NTRK3: variants seen among roughly 807,000 people sequenced by gnomAD.
NTRK3 encodes neurotrophic receptor tyrosine kinase 3.
In NTRK3, 24 loss-of-function variants were observed where a neutral mutation model predicts 91.7. That is an observed-to-expected ratio of 0.26 (90% CI 0.19 to 0.37). The LOEUF (loss-of-function observed/expected upper bound fraction) is 0.37. Among genes scored for constraint, NTRK3 ranks in the 10% least tolerant of loss-of-function variants. The pLI is 1.00. For synonymous variants in NTRK3, 483 were observed against 404.0 expected (o/e 1.20, Z -2.34); for missense variants, 880 against 1,068.9 (o/e 0.82, Z 2.46).
chr15:88,244,508 A>G (rs2052648870), intron 3 of NTRK3, among the ~76,000 whole-genome samples: 1 of 150,898 alleles, frequency 6.6e-6, no homozygotes, highest in South Asian at 2.1e-4. Flanking sequence ...TCTCAGTGCT[A>G]TGGGCTCTGG....
exon 19 of NTRK3, chr15:87,871,551 A>G (rs966403898): frequency 4.3e-6 from 1 of 230,440 alleles, no homozygotes; most frequent in Non-Finnish European, 8.6e-6. Context: ...GTGGTCATCT[A>G]TCAGGCAACC....
At chr15:87,979,782 T>C (rs1340206846) in intron 14 of NTRK3, among the ~76,000 whole-genome samples, 1 of 152,106 alleles carries the variant, frequency 6.6e-6, no homozygotes, top group Admixed American at 6.5e-5. Context: ...ATAAGCATCT[T>C]TCTGAAAGGA....
intron 13 of NTRK3, among the ~76,000 whole-genome samples, chr15:88,067,928 C>T (rs2046792595): frequency 6.6e-6 from 1 of 152,092 alleles, no homozygotes; most frequent in South Asian, 2.1e-4. Flanking sequence ...TTGTTATTAT[C>T]CTCATTATGT....
intron 14 of NTRK3, among the ~76,000 whole-genome samples, chr15:87,960,944 T>G (rs957685482): frequency 6.6e-6 from 1 of 152,206 alleles, no homozygotes; most frequent in African/African-American, 2.4e-5. Flanking sequence ...CTCTCACTTC[T>G]ACCACTTCAC....
chr15:88,011,619 G>A (rs1009175094), intron 14 of NTRK3, among the ~76,000 whole-genome samples: 12 of 152,116 alleles, frequency 7.9e-5, no homozygotes, highest in Admixed American at 1.3e-4. Flanking sequence ...AAAAGAAGCC[G>A]CAGCTGAAGA....
intron 3 of NTRK3, among the ~76,000 whole-genome samples, chr15:88,189,219 G>T (rs374127272): frequency 3.9e-5 from 6 of 152,022 alleles, no homozygotes; most frequent in African/African-American, 1.5e-4. Flanking sequence ...AGTCTCTTTG[G>T]CAATTCTAAA....
intron 5 of NTRK3, among the ~76,000 whole-genome samples, chr15:88,177,953 G>A (rs956905486): frequency 6.6e-6 from 1 of 152,192 alleles, no homozygotes; most frequent in South Asian, 2.1e-4. Flanking sequence ...GCTCAGAGAA[G>A]TTCAATAATT....
chr15:87,924,452 C>T (rs2068126392), intron 17 of NTRK3, among the ~76,000 whole-genome samples: 1 of 152,078 alleles, frequency 6.6e-6, no homozygotes, highest in South Asian at 2.1e-4. Flanking sequence ...CTGTTTATGA[C>T]CCACACCTGT....
intron 5 of NTRK3, among the ~76,000 whole-genome samples, chr15:88,152,131 T>A (rs905677178): frequency 6.6e-6 from 1 of 152,096 alleles, no homozygotes; most frequent in African/African-American, 2.4e-5. Flanking sequence ...TGAAACCTCA[T>A]CTCTACTAAA....
chr15:88,134,213 C>G (rs2041657526), intron 10 of NTRK3, among the ~76,000 whole-genome samples: 2 of 152,176 alleles, frequency 1.3e-5, no homozygotes, highest in South Asian at 4.1e-4. Context: ...CCAAGCTCAG[C>G]AAAGACACAT....
At chr15:88,176,912 T>C (rs2046051168) in intron 5 of NTRK3, among the ~76,000 whole-genome samples, 1 of 152,230 alleles carries the variant, frequency 6.6e-6, no homozygotes, top group Non-Finnish European at 1.5e-5. Flanking sequence ...GATCTATTTG[T>C]AAGGAGAAGG....
chr15:88,215,395 T>G (rs2049670596), intron 3 of NTRK3, among the ~76,000 whole-genome samples: 2 of 152,204 alleles, frequency 1.3e-5, no homozygotes, highest in Admixed American at 6.5e-5. Context: ...GTGCAGATAT[T>G]CACTCTGCGT....
intron 13 of NTRK3, among the ~76,000 whole-genome samples, chr15:88,056,202 A>ATATT (rs1404710645): frequency 9.5e-6 from 1 of 104,864 alleles, no homozygotes; most frequent in African/African-American, 4.2e-5. Context: ...ATATATATAT[A>ATATT]TTTTTTTTTT....
chr15:88,085,707 A>T (rs1408349232), intron 13 of NTRK3, among the ~76,000 whole-genome samples: 1 of 152,156 alleles, frequency 6.6e-6, no homozygotes, highest in Non-Finnish European at 1.5e-5. Flanking sequence ...CCAGACTACA[A>T]ATATGCATTG....
At chr15:88,220,945 G>C (rs1454801559) in intron 3 of NTRK3, among the ~76,000 whole-genome samples, 1 of 152,146 alleles carries the variant, frequency 6.6e-6, no homozygotes, top group Non-Finnish European at 1.5e-5. Context: ...CTGATTCTTG[G>C]GCTTAACCCC....
chr15:87,917,869 C>T (rs2067557730), intron 17 of NTRK3, among the ~76,000 whole-genome samples: 2 of 152,172 alleles, frequency 1.3e-5, no homozygotes, highest in African/African-American at 4.8e-5. Context: ...ATGCTTCTTG[C>T]ACAGTCTTCA....
rs2067851718 is a variant in NTRK3 at position 87,921,338 on chromosome 15, G to T, written c.2133+7853C>A. 1.3e-5 allele frequency among the ~76,000 whole-genome samples: 2 copies of T among 152,142 alleles called. 1 individual carries two copies. Among genetic ancestry groups the T allele is most frequent in the South Asian group, 4.2e-4 (2 of 4,816 alleles). On this transcript the variant is annotated intron_variant, in intron 17 of 18. Coordinates refer to ENST00000394480, the Ensembl canonical transcript of NTRK3. ...TGACAGCCAGCATCACTTCTTCATT[G>T]GTGCCTGGGTCTACTTAGGAGTACC...
At chr15:88,144,233 C>T (rs1247536671) in intron 6 of NTRK3, 1 of 152,164 alleles carries the variant, frequency 6.6e-6, no homozygotes, top group African/African-American at 2.4e-5. Flanking sequence ...ATTTTTCCAA[C>T]CTGTGCCATT....
intron 14 of NTRK3, among the ~76,000 whole-genome samples, chr15:88,002,285 C>T (rs2076165892): frequency 6.7e-6 from 1 of 149,718 alleles, no homozygotes; most frequent in African/African-American, 2.5e-5. Context: ...AGAACTGTAC[C>T]ATCATAAAAT....
Sources: allele counts gnomAD v4.1 joint callset (sites outside exome capture counted in the v4.1 genomes callset), GRCh38; gene constraint gnomAD v4.1.1; transcripts MANE v1.5; gene names NCBI Gene and HGNC (gene_info 2026-07-23, HGNC 2026-07-21).